Variants in PTPRD observed in about 807,000 individuals in gnomAD.
PTPRD encodes protein tyrosine phosphatase receptor type D.
A neutral mutation model predicts 214.5 loss-of-function variants in PTPRD; 34 were observed. The observed-to-expected ratio is 0.16, with a 90% confidence interval of 0.12 to 0.21. The LOEUF (loss-of-function observed/expected upper bound fraction) is 0.21, where lower values mean the gene tolerates loss of function less well. Ranked by LOEUF, PTPRD falls within the 10% of genes least tolerant of loss-of-function variation. The pLI, the probability that PTPRD is intolerant of heterozygous loss-of-function variation, is 1.00. For missense variants in PTPRD, 2,545 were observed against 2,398.7 expected (o/e 1.06, Z -1.27); for synonymous variants, 1,128 against 845.7 (o/e 1.33, Z -5.79).
intron 8 of PTPRD, among the ~76,000 whole-genome samples, chr9:9,561,361 C>T (rs1439200275): frequency 6.6e-6 from 1 of 152,180 alleles, no homozygotes; most frequent in Non-Finnish European, 1.5e-5. Context: ...CAAGCTGTAA[C>T]CTAAACAGTG....
At chr9:8,965,551 C>G (rs1455382636) in intron 11 of PTPRD, among the ~76,000 whole-genome samples, 1 of 152,074 alleles carries the variant, frequency 6.6e-6, no homozygotes, top group Non-Finnish European at 1.5e-5. Context: ...ATAGTTAAGT[C>G]TTCTTGTTGA....
At chr9:9,318,842 A>C (rs1028012972) in intron 9 of PTPRD, among the ~76,000 whole-genome samples, 1 of 152,154 alleles carries the variant, frequency 6.6e-6, no homozygotes, top group African/African-American at 2.4e-5. Context: ...TTCAAATGCA[A>C]TGATAATCAA....
At chr9:9,302,431 G>C (rs1278689869) in intron 9 of PTPRD, among the ~76,000 whole-genome samples, 1 of 151,714 alleles carries the variant, frequency 6.6e-6, no homozygotes, top group African/African-American at 2.4e-5. Context: ...AAAACCACGT[G>C]TGAAAGTGGA....
At chr9:10,387,428 A>G (rs1030655831) in intron 2 of PTPRD, among the ~76,000 whole-genome samples, 3 of 151,814 alleles carry the variant, frequency 2.0e-5, no homozygotes, top group Admixed American at 2.0e-4. Flanking sequence ...ATTCAGTTAT[A>G]TCAGAAGGCA....
intron 36 of PTPRD, among the ~76,000 whole-genome samples, chr9:8,404,090 A>T (rs1462294893): frequency 6.6e-6 from 1 of 152,180 alleles, no homozygotes; most frequent in Non-Finnish European, 1.5e-5. Flanking sequence ...GTGAGAAAGA[A>T]AAAGTAGGAA....
chr9:8,726,026 GACACACACACAC>G (rs71500962), intron 12 of PTPRD, among the ~76,000 whole-genome samples: 11 of 139,590 alleles, frequency 7.9e-5, no homozygotes, highest in Admixed American at 3.5e-4. Flanking sequence ...CAGACAGACA[GACACACACACAC>G]ACACACACAC....
intron 10 of PTPRD, among the ~76,000 whole-genome samples, chr9:9,047,659 C>T (rs2099675551): frequency 6.6e-6 from 1 of 152,038 alleles, no homozygotes; most frequent in Non-Finnish European, 1.5e-5. Flanking sequence ...AAGACAGTCT[C>T]TTCAATAAAT....
chr9:10,423,160 A>G (rs920088273), intron 2 of PTPRD, among the ~76,000 whole-genome samples: 3 of 152,086 alleles, frequency 2.0e-5, no homozygotes, highest in Non-Finnish European at 2.9e-5. Flanking sequence ...TTGTAGGGAC[A>G]TGGATGAAGC....
intron 5 of PTPRD, among the ~76,000 whole-genome samples, chr9:9,899,685 A>C (rs1318839023): frequency 1.3e-5 from 2 of 152,038 alleles, no homozygotes; most frequent in Non-Finnish European, 2.9e-5. Context: ...TAAGCCAGCA[A>C]TCCCACTACT....
rs191255574 is a variant in PTPRD, at chr9:9,398,198, G to T, written c.-236-716C>A. Among the ~76,000 whole-genome samples, 348 of 150,944 alleles carry T rather than the reference G, an allele frequency of 2.3e-3. 2 individuals are homozygous for T. The highest frequency in any genetic ancestry group is 3.5e-3 in the Non-Finnish European group (236 of 67,748). On this transcript the variant is annotated intron_variant, in intron 8 of 45. Transcript: ENST00000381196. Reference sequence around the variant, plus strand: ...TATTTTTTTCTAGCCATTCCTTATGGCCAGCTCAATTAACATTTCTTCAAT... The same window carrying T: ...TATTTTTTTCTAGCCATTCCTTATGTCCAGCTCAATTAACATTTCTTCAAT...
chr9:8,481,021 T>C (rs1185720113), intron 30 of PTPRD, among the ~76,000 whole-genome samples: 1 of 151,376 alleles, frequency 6.6e-6, no homozygotes, highest in African/African-American at 2.4e-5. Flanking sequence ...GCTCCTGTAG[T>C]CACAGCCGCT....
At chr9:8,456,778 C>G (rs1195392675) in intron 33 of PTPRD, among the ~76,000 whole-genome samples, 1 of 151,686 alleles carries the variant, frequency 6.6e-6, no homozygotes, top group East Asian at 2.0e-4. Context: ...TGCATGCAGG[C>G]TAGATTATTA....
At chr9:8,545,691 A>G (rs1169203664) in intron 14 of PTPRD, among the ~76,000 whole-genome samples, 3 of 152,242 alleles carry the variant, frequency 2.0e-5, no homozygotes, top group Non-Finnish European at 4.4e-5. Flanking sequence ...TCAGTTTATT[A>G]AAGTACATTA....
intron 8 of PTPRD, among the ~76,000 whole-genome samples, chr9:9,460,594 C>G (rs908074635): frequency 6.6e-6 from 1 of 151,944 alleles, no homozygotes; most frequent in Non-Finnish European, 1.5e-5. Context: ...CAATAATCAT[C>G]GAAGCGATGC....
chr9:9,888,932 G>C (rs567237976), intron 5 of PTPRD, among the ~76,000 whole-genome samples: 26 of 152,212 alleles, frequency 1.7e-4, no homozygotes, highest in Admixed American at 2.6e-4. Flanking sequence ...TAACTGTTTA[G>C]AAAAATTTAT....
intron 9 of PTPRD, among the ~76,000 whole-genome samples, chr9:9,204,796 T>C (rs562479686): frequency 6.6e-6 from 1 of 152,310 alleles, no homozygotes; most frequent in East Asian, 1.9e-4. Flanking sequence ...TTATATTGTA[T>C]ATTAAAAATG....
At chr9:9,048,576 C>T (rs1347675298) in intron 10 of PTPRD, among the ~76,000 whole-genome samples, 1 of 152,092 alleles carries the variant, frequency 6.6e-6, no homozygotes, top group Admixed American at 6.6e-5. Context: ...ATCGTATGTT[C>T]TCACTTATTT....
At chr9:9,441,226 C>T (rs568388729) in intron 8 of PTPRD, among the ~76,000 whole-genome samples, 10 of 152,080 alleles carry the variant, frequency 6.6e-5, no homozygotes, top group Non-Finnish European at 1.3e-4. Flanking sequence ...AGCCTATCCT[C>T]GAAGCGGTGT....
chr9:9,752,975 T>G (rs1437563355), intron 6 of PTPRD, among the ~76,000 whole-genome samples: 1 of 152,082 alleles, frequency 6.6e-6, no homozygotes, highest in African/African-American at 2.4e-5. Flanking sequence ...AGTGTACTTG[T>G]TCTCTACTTA....
Sources: gnomAD v4.1 joint callset for allele counts (sites outside exome capture counted in the v4.1 genomes callset) on GRCh38, gnomAD v4.1.1 for gene constraint, MANE v1.5 for transcripts, NCBI Gene and HGNC (gene_info 2026-07-23, HGNC 2026-07-21) for gene names.